Variants in RBL2 observed in about 807,000 individuals in gnomAD.
The protein encoded by RBL2 is RB transcriptional corepressor like 2.
In RBL2, 56 loss-of-function variants were observed where a neutral mutation model predicts 126.0. That is an observed-to-expected ratio of 0.44 (90% confidence interval 0.36 to 0.56). The LOEUF (loss-of-function observed/expected upper bound fraction) is 0.56. Among genes scored for constraint, RBL2 ranks in the 20% least tolerant of loss-of-function variants. The pLI, the probability that RBL2 is intolerant of heterozygous loss-of-function variation, is 0.00. For missense variants in RBL2, 1,229 were observed against 1,398.2 expected (o/e 0.88, Z 1.93); for synonymous variants, 454 against 478.5 (o/e 0.95, Z 0.67).
chr16:53,485,888 G>C (rs750772138), intron 21 of RBL2, among the ~76,000 whole-genome samples: 13 of 151,314 alleles, frequency 8.6e-5, no homozygotes, highest in Non-Finnish European at 1.9e-4. Flanking sequence ...AAACCACCTA[G>C]GTATTTTGGG....
At chr16:53,480,373 T>C in intron 19 of RBL2, 194 bp from the exon 20 acceptor site, 2 of 590,800 alleles carry the variant, frequency 3.4e-6, no homozygotes, top group South Asian at 4.4e-5. Flanking sequence ...CAGAAAGCCC[T>C]TGCTATGGTT....
chr16:53,434,694 G>A lies in RBL2; in HGVS notation c.138G>A (p.Gln46=). 1 of 1,571,472 alleles carries A rather than the reference G, an allele frequency of 6.4e-7. No homozygotes were observed. Among genetic ancestry groups the A allele is most frequent in the African/African-American group, 1.4e-5 (1 of 73,388 alleles). ...PPAESPTPQI[Q]QRFDELCSRL... is the part of the protein sequence containing the mutation. ...CCGAGTCGCCCACCCCTCAGATCCAGCAGCGGTTCGACGAGCTGTGCAGCC... is the reference window on the plus strand; with the variant it reads ...CCGAGTCGCCCACCCCTCAGATCCAACAGCGGTTCGACGAGCTGTGCAGCC... Residue 46 remains glutamine, a synonymous_variant, in exon 1 of 22, where the codon CAG becomes CAA. Transcript: ENST00000262133.
At chr16:53,479,648 G>A in intron 18 of RBL2, 2 of 474,638 alleles carry the variant, frequency 4.2e-6, no homozygotes, top group South Asian at 5.8e-5. Flanking sequence ...TTGACATTAT[G>A]GTTGGGTGCT....
rs998547136 is a variant in RBL2, at chr16:53,471,053, T to A, written c.2703+131T>A. The stretch of plus-strand genomic sequence containing the variant: ...TTTAAAATGCACAACTAAATGGGTC[T>A]TAGTATATTCACAGATATGTGCAAT... On this transcript the variant is annotated intron_variant, in intron 17 of 21. Coordinates refer to ENST00000262133, the MANE Select transcript of RBL2 (RefSeq NM_005611.4). The A allele has an allele frequency of 1.1e-5, 10 of 917,314 alleles. No individual in the cohort carries two copies. In the African/African-American group the frequency reaches 1.5e-4, roughly 14 times the overall value. The allele number at this position is 917,314 out of a possible 1,614,324, so 56.8% of individuals were successfully genotyped here. A position where few individuals can be genotyped will look rare whatever the true frequency, so the allele number is the denominator to read the frequency against.
intron 2 of RBL2, among the ~76,000 whole-genome samples, chr16:53,441,085 G>A (rs976288817): frequency 6.9e-6 from 1 of 145,430 alleles, no homozygotes; most frequent in East Asian, 2.1e-4. Context: ...TCAGCCTCCC[G>A]GAGTAGCTGG....
intron 8 of RBL2, among the ~76,000 whole-genome samples, chr16:53,456,191 G>T (rs370755850): frequency 1.0e-5 from 1 of 98,530 alleles, no homozygotes; most frequent in South Asian, 3.1e-4. Flanking sequence ...AAAAAGAAAA[G>T]AAGAAGAAAA....
At chr16:53,465,824 C>T (rs973283049) in intron 13 of RBL2, 6 of 349,104 alleles carry the variant, frequency 1.7e-5, no homozygotes, top group Middle Eastern at 7.5e-4. Context: ...AAGTAGATAA[C>T]GTTTATTAAG....
chr16:53,448,053 A>G (rs547855071), intron 4 of RBL2, among the ~76,000 whole-genome samples: 2 of 152,382 alleles, frequency 1.3e-5, no homozygotes, highest in African/African-American at 4.8e-5. Flanking sequence ...TTTGCCACTA[A>G]GATGGCTCAA....
intron 5 of RBL2, 32 bp from the exon 6 acceptor site, chr16:53,453,420 A>T (rs2058134935): frequency 1.8e-5 from 28 of 1,586,124 alleles, no homozygotes; most frequent in Non-Finnish European, 2.3e-5. Context: ...TTGTGTGCTG[A>T]TATCTCTGTT....
rs1443974813 is a variant in RBL2, at chr16:53,442,597, T to TA, written c.372-60dup. ...TAATATTGATTTACTTTTGAATACT[T>TA]ACTTTTGTATACTTTAGCCTTATGT... On this transcript the variant is annotated intron_variant, in intron 2 of 21. Coordinates refer to ENST00000262133, the MANE Select transcript of RBL2 (RefSeq NM_005611.4). The TA allele has an allele frequency of 6.5e-6, 8 of 1,232,662 alleles. No homozygotes were observed. In the East Asian group the frequency reaches 9.6e-5, roughly 15 times the overall value. 76.4% of individuals were successfully genotyped at this position (1,232,662 alleles called of 1,614,324 possible).
intron 14 of RBL2, among the ~76,000 whole-genome samples, chr16:53,467,740 G>C (rs1407433579): frequency 6.6e-6 from 1 of 152,146 alleles, no homozygotes; most frequent in East Asian, 1.9e-4. Context: ...GTTTATTTAT[G>C]AGCATACAAA....
chr16:53,454,102 A>G, intron 7 of RBL2: 1 of 409,580 alleles, frequency 2.4e-6, no homozygotes, highest in South Asian at 1.9e-5. Context: ...TTCTCACCGG[A>G]AGTTGCACCT....
At chr16:53,451,911 G>C (rs1252646484) in intron 5 of RBL2, 80 bp downstream of exon 5, 5 of 1,504,390 alleles carry the variant, frequency 3.3e-6, no homozygotes, top group Admixed American at 1.7e-5. Flanking sequence ...AGGTTTCCTA[G>C]CATCAGTATT....
At chr16:53,456,070 C>T (rs961060388) in intron 8 of RBL2, among the ~76,000 whole-genome samples, 1 of 151,842 alleles carries the variant, frequency 6.6e-6, no homozygotes, top group East Asian at 1.9e-4. Context: ...CAGCTACTTG[C>T]GAGGCTGAGT....
At chr16:53,444,850 A>G (rs1325482459) in intron 3 of RBL2, among the ~76,000 whole-genome samples, 1 of 152,214 alleles carries the variant, frequency 6.6e-6, no homozygotes, top group African/African-American at 2.4e-5. Context: ...TTCGTCTCCA[A>G]ATAAATAAAT....
chr16:53,449,654 C>A (rs528646625), intron 4 of RBL2: 2 of 150,452 alleles, frequency 1.3e-5, no homozygotes, highest in African/African-American at 4.9e-5. Flanking sequence ...TTATAATACA[C>A]GATGATCTTT....
chr16:53,440,953 C>CTTTTTTTTTTTTTTTTTTTTTTT (rs1178378934), intron 2 of RBL2, among the ~76,000 whole-genome samples: 6 of 71,672 alleles, frequency 8.4e-5, no homozygotes, highest in Non-Finnish European at 9.9e-5. Context: ...TTTTTCAGTT[C>CTTTTTTTTTTTTTTTTTTTTTTT]TTTTTTTTTT....
Position 53,455,404 on chromosome 16 carries a change from A to T in RBL2, c.1179+562A>T, listed in dbSNP as rs75520794. On this transcript the variant is annotated intron_variant, in intron 8 of 21. Transcript: ENST00000262133. ...GTAATCCAAGGGCCAGTTCACCTGG[A>T]AGTGAGCTGCTTCAGACTTGAGACT... Among the ~76,000 whole-genome samples, 1,264 of 152,342 alleles carry T rather than the reference A, an allele frequency of 8.3e-3. 14 individuals carry two copies. The highest frequency in any genetic ancestry group is 0.029 in the African/African-American group (1,200 of 41,578).
At chr16:53,438,962 G>T in intron 1 of RBL2, 54 bp from the exon 2 acceptor site, 2 of 1,126,706 alleles carry the variant, frequency 1.8e-6, no homozygotes, top group Non-Finnish European at 2.3e-6. Context: ...TAAAAATATT[G>T]AAATATTTAT....
Sources: gnomAD v4.1 joint callset for allele counts (sites outside exome capture counted in the v4.1 genomes callset) on GRCh38, gnomAD v4.1.1 for gene constraint, MANE v1.5 for transcripts, NCBI Gene and HGNC (gene_info 2026-07-23, HGNC 2026-07-21) for gene names.